The following ORC4 variants were observed in gnomAD, a reference collection of about 807,000 sequenced individuals.
ORC4 encodes origin recognition complex, subunit 4 homolog.
Under a neutral mutation model 63.9 loss-of-function variants are expected in ORC4, and 55 were observed. The ratio of observed to expected loss-of-function variants is 0.86; its 90% confidence interval spans 0.69 to 1.08. The LOEUF is 1.08. Among genes scored for constraint, ORC4 ranks in the 50% least tolerant of loss-of-function variants. ORC4 has a pLI of 0.00. For synonymous variants in ORC4, 150 were observed against 168.5 expected, an observed-to-expected ratio of 0.89 and a Z score of 0.85; for missense variants, 511 against 504.4, an observed-to-expected ratio of 1.01 and a Z score of -0.13.
At chr2:147,981,094 C>T (rs967220561) in intron 1 of ORC4, among the ~76,000 whole-genome samples, 1 of 152,194 alleles carries the variant, frequency 6.6e-6, no homozygotes, top group Non-Finnish European at 1.5e-5. Context: ...GGGAGATATT[C>T]TGTTAGCTGA....
rs999925356 is a variant in ORC4 at position 147,998,344 on chromosome 2, T to C, written c.-18+22289A>G. 2.6e-5 allele frequency among the ~76,000 whole-genome samples: 4 copies of C among 152,160 alleles called. No homozygotes were observed. In the South Asian group the frequency reaches 6.2e-4, roughly 24 times the overall value. On this transcript the variant is annotated intron_variant, in intron 1 of 13. Transcript: ENST00000392857. ...AATTTGAACCCCAGCGTGGCAATATTGAAAGGTGAGGCCTAGAGGGAGGTG... is the reference window on the plus strand; with the variant it reads ...AATTTGAACCCCAGCGTGGCAATATCGAAAGGTGAGGCCTAGAGGGAGGTG...
chr2:147,996,024 G>GC (rs1283346919), intron 1 of ORC4, among the ~76,000 whole-genome samples: 6 of 151,366 alleles, frequency 4.0e-5, no homozygotes, highest in Middle Eastern at 7.1e-3. Flanking sequence ...CAAAAAACAG[G>GC]CCAGGTGCGG....
At chr2:147,972,042 G>C (rs1273492940) in intron 4 of ORC4, among the ~76,000 whole-genome samples, 2 of 152,000 alleles carry the variant, frequency 1.3e-5, no homozygotes, top group Non-Finnish European at 2.9e-5. Context: ...CATGAGAACA[G>C]ATTTTACACA....
At position 147,948,198 on chromosome 2, in the gene ORC4, T is replaced by G. The variant is rs763145884; in HGVS notation, c.615A>C (p.Arg205Ser). ...RLDILELLEK[R>S]VKSRFSHRQI... is the part of the protein sequence containing the mutation. ...GCCGGTGAGAAAATCTTGACTTCAC[T>G]CTTTTTTCTAAGAGTTCCAAAATAT... Residue 205 changes from arginine to serine, a missense_variant, in exon 9 of 14, where the codon AGA becomes AGC. Coordinates refer to ENST00000392857, the MANE Select transcript of ORC4 (RefSeq NM_181741.4). 1 of 1,609,094 alleles carries G rather than the reference T, an allele frequency of 6.2e-7. No homozygotes were observed. The highest frequency in any genetic ancestry group is 8.5e-7 in the Non-Finnish European group (1 of 1,176,550).
intron 2 of ORC4, among the ~76,000 whole-genome samples, chr2:147,974,359 C>T (rs1468769827): frequency 3.3e-5 from 5 of 152,006 alleles, no homozygotes; most frequent in East Asian, 1.9e-4. Flanking sequence ...GGGGGCTGGC[C>T]GCTGTGGCTC....
intron 1 of ORC4, among the ~76,000 whole-genome samples, chr2:148,015,154 A>T (rs1693197511): frequency 6.6e-6 from 1 of 151,900 alleles, no homozygotes; most frequent in Non-Finnish European, 1.5e-5. Flanking sequence ...CAAAAAGATT[A>T]GAGTGAAACA....
At chr2:148,017,690 C>G (rs1693399747) in intron 1 of ORC4, among the ~76,000 whole-genome samples, 1 of 152,062 alleles carries the variant, frequency 6.6e-6, no homozygotes, top group African/African-American at 2.4e-5. Flanking sequence ...AAAAAATCTC[C>G]AAAAATTAAA....
chr2:147,998,504 GGCCACTAT>G (rs1320675465), intron 1 of ORC4, among the ~76,000 whole-genome samples: 1 of 152,150 alleles, frequency 6.6e-6, no homozygotes, highest in African/African-American at 2.4e-5. Flanking sequence ...GTTGTTATAA[GGCCACTAT>G]GCACTCCTCA....
intron 10 of ORC4, among the ~76,000 whole-genome samples, chr2:147,939,659 A>G (rs1170788010): frequency 5.9e-5 from 9 of 152,144 alleles, no homozygotes; most frequent in Admixed American, 5.9e-4. Flanking sequence ...CAGCCAGGTT[A>G]GTATTAATTT....
chr2:147,980,285 T>C (rs1690803617), intron 1 of ORC4, among the ~76,000 whole-genome samples: 1 of 152,062 alleles, frequency 6.6e-6, no homozygotes, highest in Admixed American at 6.6e-5. Context: ...ATAATAGCTA[T>C]TTACAAAGCA....
chr2:147,987,573 G>A (rs534673734), intron 1 of ORC4, among the ~76,000 whole-genome samples: 5 of 152,008 alleles, frequency 3.3e-5, no homozygotes, highest in African/African-American at 4.8e-5. Context: ...TAATTACGAC[G>A]CCAGGAGCTG....
intron 1 of ORC4, among the ~76,000 whole-genome samples, chr2:147,993,085 T>C (rs1691724157): frequency 6.6e-6 from 1 of 152,196 alleles, no homozygotes; most frequent in Non-Finnish European, 1.5e-5. Flanking sequence ...CTTGCTGGGT[T>C]TCCCCACTCA....
Position 147,938,131 on chromosome 2 carries a change from C to G in ORC4, c.1122+15G>C, listed in dbSNP as rs747826258. 8.9e-6 allele frequency: 14 copies of G among 1,574,128 alleles called. No individual in the cohort carries two copies. In the South Asian group the frequency reaches 1.2e-4, roughly 14 times the overall value. ...ATACTTGTCTGTAGAAAAATGACAG[C>G]AAACTAAATCTTACCTTCATGACAA... On this transcript the variant is annotated intron_variant, in intron 13 of 13. Transcript: ENST00000392857.
At chr2:147,936,983 C>T (rs1688086956) in intron 13 of ORC4, 2 of 137,966 alleles carry the variant, frequency 1.4e-5, no homozygotes, top group African/African-American at 5.5e-5. Context: ...GCGCCCGCCA[C>T]TGTACTCCAG....
Position 147,938,138 on chromosome 2 carries a change from AATCTT to A in ORC4, c.1122+3_1122+7del. On this transcript the variant is annotated splice_donor_5th_base_variant and intron_variant, in intron 13 of 13. Transcript: ENST00000392857. ...TCTGTAGAAAAATGACAGCAAACTAAATCTTACCTTCATGACAACAGGTTTTTCAA... is the reference window on the plus strand; with the variant it reads ...TCTGTAGAAAAATGACAGCAAACTAAACCTTCATGACAACAGGTTTTTCAA... The A allele has an allele frequency of 3.1e-6, 5 of 1,592,794 alleles. No homozygotes were observed. The highest frequency in any genetic ancestry group is 2.6e-6 in the Non-Finnish European group (3 of 1,161,194).
intron 6 of ORC4, 142 bp from the exon 7 acceptor site, chr2:147,955,537 T>TTTAG: frequency 1.7e-6 from 1 of 585,382 alleles, no homozygotes; most frequent in East Asian, 2.9e-5. Context: ...TGAGTGTCTC[T>TTTAG]ATACTTCCTA....
chr2:147,961,376 G>A (rs747915346), intron 4 of ORC4, among the ~76,000 whole-genome samples: 40 of 151,354 alleles, frequency 2.6e-4, no homozygotes, highest in South Asian at 1.9e-3. Context: ...GGCAGAGGTT[G>A]CAGTGAGTCT....
At chr2:148,021,269 T>C (rs951547797), upstream of ORC4, 13 of 344,120 alleles carry the variant, frequency 3.8e-5, no homozygotes, top group African/African-American at 2.2e-5. Context: ...CCTCCAGCCC[T>C]GAGCCCTGAG....
intron 1 of ORC4, among the ~76,000 whole-genome samples, chr2:148,014,194 A>G (rs12466171): frequency 0.18 from 26,950 of 152,170 alleles, 3,125 homozygotes; most frequent in Middle Eastern, 0.31. Flanking sequence ...AAATAAACAC[A>G]AAAAATCAAA....
Sources: allele counts gnomAD v4.1 joint callset (sites outside exome capture counted in the v4.1 genomes callset), GRCh38; gene constraint gnomAD v4.1.1; transcripts MANE v1.5; gene names NCBI Gene and HGNC (gene_info 2026-07-23, HGNC 2026-07-21).